Variants in CD2AP observed in about 807,000 individuals in gnomAD.
The protein encoded by CD2AP is CD2 associated protein.
Under a neutral mutation model 85.1 loss-of-function variants are expected in CD2AP, and 46 were observed. The observed-to-expected ratio is 0.54, with a 90% CI of 0.43 to 0.69. The LOEUF (loss-of-function observed/expected upper bound fraction) is 0.69, where lower values mean the gene tolerates loss of function less well. CD2AP is among the 30% of genes least tolerant of loss of function. CD2AP has a pLI of 0.00. For synonymous variants in CD2AP, 255 were observed against 252.9 expected (o/e 1.01, Z -0.08); for missense variants, 769 against 729.5 (o/e 1.05, Z -0.62).
intron 1 of CD2AP, among the ~76,000 whole-genome samples, chr6:47,488,302 G>T (rs1382430310): frequency 6.6e-6 from 1 of 152,042 alleles, no homozygotes; most frequent in Non-Finnish European, 1.5e-5. Context: ...CTTAATGTTT[G>T]AACTGTAAAA....
chr6:47,552,534 A>G lies in CD2AP; in HGVS notation c.421-2112A>G, dbSNP rs1257036481. On this transcript the variant is annotated intron_variant, in intron 4 of 17. Transcript: ENST00000359314. ...ATGTGTGTGTATATATACACACCAC[A>G]TATTTTTAAATTCACTTGTTGATTG... 3.3e-5 allele frequency among the ~76,000 whole-genome samples: 5 copies of G among 152,224 alleles called. 1 individual carries two copies. Among genetic ancestry groups the G allele is most frequent in the Non-Finnish European group, 7.4e-5 (5 of 68,018 alleles).
chr6:47,590,691 C>T (rs1768769359), intron 11 of CD2AP, among the ~76,000 whole-genome samples: 1 of 151,908 alleles, frequency 6.6e-6, no homozygotes, highest in Admixed American at 6.6e-5. Context: ...TCTGTATATA[C>T]AGAGGGATGA....
intron 1 of CD2AP, among the ~76,000 whole-genome samples, chr6:47,495,184 C>T (rs1465201567): frequency 1.3e-5 from 2 of 151,968 alleles, no homozygotes; most frequent in Non-Finnish European, 2.9e-5. Flanking sequence ...GAGAAATAGT[C>T]TTTTCAGGTG....
At chr6:47,594,207 A>G (rs1242975681) in intron 11 of CD2AP, among the ~76,000 whole-genome samples, 1 of 152,090 alleles carries the variant, frequency 6.6e-6, no homozygotes, top group African/African-American at 2.4e-5. Context: ...GTGGTTGCGT[A>G]ACATCGTGAA....
At chr6:47,526,657 A>G (rs1286450199) in intron 2 of CD2AP, among the ~76,000 whole-genome samples, 1 of 152,160 alleles carries the variant, frequency 6.6e-6, no homozygotes, top group African/African-American at 2.4e-5. Flanking sequence ...CAGGATTTGT[A>G]TACAGTTTGT....
At chr6:47,524,309 A>G (rs1766668609) in intron 2 of CD2AP, among the ~76,000 whole-genome samples, 1 of 152,148 alleles carries the variant, frequency 6.6e-6, no homozygotes, top group African/African-American at 2.4e-5. Context: ...ACCCAGCACG[A>G]CTTGCCTGCT....
At chr6:47,622,682 C>A (rs1447881154) in intron 17 of CD2AP, among the ~76,000 whole-genome samples, 1 of 152,190 alleles carries the variant, frequency 6.6e-6, no homozygotes, top group Non-Finnish European at 1.5e-5. Context: ...GACACACACA[C>A]TATTTGGGGT....
chr6:47,585,324 A>T (rs1465092285), intron 11 of CD2AP, among the ~76,000 whole-genome samples: 3 of 151,774 alleles, frequency 2.0e-5, no homozygotes, highest in Non-Finnish European at 4.4e-5. Flanking sequence ...AAGGAAGGTG[A>T]TGCATTTTTG....
intron 11 of CD2AP, among the ~76,000 whole-genome samples, chr6:47,583,002 C>G (rs546798079): frequency 6.6e-6 from 1 of 152,144 alleles, no homozygotes; most frequent in African/African-American, 2.4e-5. Flanking sequence ...CCAGGATGGT[C>G]TCGATTTGCT....
At chr6:47,499,313 G>GTC (rs775209266) in intron 1 of CD2AP, among the ~76,000 whole-genome samples, 2 of 151,694 alleles carry the variant, frequency 1.3e-5, no homozygotes, top group Admixed American at 6.6e-5. Context: ...GTGCATGTGT[G>GTC]TGTGTGTGTG....
At chr6:47,564,437 C>T (rs1767939932) in intron 5 of CD2AP, among the ~76,000 whole-genome samples, 1 of 152,116 alleles carries the variant, frequency 6.6e-6, no homozygotes, top group Non-Finnish European at 1.5e-5. Context: ...TAGTTCATTA[C>T]TTTTATAATT....
At chr6:47,484,195 G>T (rs1158057088) in intron 1 of CD2AP, among the ~76,000 whole-genome samples, 1 of 152,038 alleles carries the variant, frequency 6.6e-6, no homozygotes, top group Non-Finnish European at 1.5e-5. Flanking sequence ...CATTTATTAT[G>T]TCTCTTAAAC....
chr6:47,484,670 G>C lies in CD2AP; in HGVS notation c.4+6422G>C, dbSNP rs149307604. 5.9e-5 allele frequency among the ~76,000 whole-genome samples: 9 copies of C among 152,134 alleles called. No homozygotes were observed. The East Asian group carries it at 1.7e-3, about 29-fold the overall frequency. On this transcript the variant is annotated intron_variant, in intron 1 of 17. Coordinates refer to ENST00000359314, the MANE Select transcript of CD2AP (RefSeq NM_012120.3). Reference sequence around the variant, plus strand: ...TAATCTTTCAAATATTATGTAGCTTGTTAAACTTCCCATCATGATCTTGTT... The same window carrying C: ...TAATCTTTCAAATATTATGTAGCTTCTTAAACTTCCCATCATGATCTTGTT...
intron 11 of CD2AP, among the ~76,000 whole-genome samples, chr6:47,586,101 G>A (rs1430112984): frequency 6.6e-6 from 1 of 152,130 alleles, no homozygotes. Context: ...AAAAGAGCAA[G>A]AAATGACAGA....
intron 12 of CD2AP, among the ~76,000 whole-genome samples, chr6:47,596,605 T>TA (rs1768958263): frequency 1.3e-5 from 2 of 152,150 alleles, no homozygotes; most frequent in South Asian, 2.1e-4. Flanking sequence ...TTTCTTTTTT[T>TA]ATGGCTGAAT....
At chr6:47,534,235 G>T (rs1766967198) in intron 3 of CD2AP, among the ~76,000 whole-genome samples, 1 of 152,272 alleles carries the variant, frequency 6.6e-6, no homozygotes. Context: ...AAGAAGGAGA[G>T]CATTACATTT....
At chr6:47,528,754 A>G (rs1313699454) in intron 2 of CD2AP, among the ~76,000 whole-genome samples, 1 of 152,190 alleles carries the variant, frequency 6.6e-6, no homozygotes, top group Non-Finnish European at 1.5e-5. Context: ...GGCAGAGGCA[A>G]AGGATGTCTC....
intron 5 of CD2AP, among the ~76,000 whole-genome samples, chr6:47,571,754 T>G: frequency 6.6e-6 from 1 of 152,106 alleles, no homozygotes; most frequent in Non-Finnish European, 1.5e-5. Context: ...GGCCAAGAAT[T>G]GAGTTCTTTC....
intron 12 of CD2AP, 121 bp from the exon 13 acceptor site, chr6:47,599,180 G>T: frequency 1.2e-6 from 1 of 803,436 alleles, no homozygotes. Context: ...TATGGAAATG[G>T]TTTTACAGAA....
Sources: gnomAD v4.1 joint callset for allele counts (sites outside exome capture counted in the v4.1 genomes callset) on GRCh38, gnomAD v4.1.1 for gene constraint, MANE v1.5 for transcripts, NCBI Gene and HGNC (gene_info 2026-07-23, HGNC 2026-07-21) for gene names.